Variants in ANKFN1 observed in about 807,000 individuals in gnomAD.
ANKFN1 encodes the protein ankyrin repeat and fibronectin type III domain containing 1, also known as ankyrin repeat and fibronectin type-III domain-containing protein 1.
In ANKFN1, 74 loss-of-function variants were observed where a neutral mutation model predicts 108.7. That is an observed-to-expected ratio of 0.68 (90% CI 0.56 to 0.83). The LOEUF (loss-of-function observed/expected upper bound fraction) is 0.83. ANKFN1 is among the 40% of genes least tolerant of loss of function. The pLI is 0.00. For synonymous variants in ANKFN1, 547 were observed against 516.2 expected, an observed-to-expected ratio of 1.06 and a Z score of -0.81; for missense variants, 1,505 against 1,382.3, an observed-to-expected ratio of 1.09 and a Z score of -1.41.
rs145904564 is a variant in ANKFN1, at chr17:56,354,828, A to G, written c.601+782A>G. Among the ~76,000 whole-genome samples the G allele has an allele frequency of 2.9e-3, 446 of 152,292 alleles. 3 individuals carry two copies. Among genetic ancestry groups the G allele is most frequent in the Non-Finnish European group, 4.1e-3 (277 of 68,018 alleles). ...TATACAACATTTTCTTTATCTATTC[A>G]TCTATTGACAGACACTTAAGTTGAT... On this transcript the variant is annotated intron_variant, in intron 6 of 20. Coordinates refer to ENST00000682825, the MANE Select transcript of ANKFN1 (RefSeq NM_001370326.1).
intron 1 of ANKFN1, among the ~76,000 whole-genome samples, chr17:56,157,856 C>T (rs16956799): frequency 0.024 from 3,646 of 152,284 alleles, 129 homozygotes; most frequent in African/African-American, 0.083. Context: ...TTAGCTTTAC[C>T]GGTACCTGTT....
At chr17:56,304,351 T>G (rs1366704989) in intron 3 of ANKFN1, among the ~76,000 whole-genome samples, 2 of 152,236 alleles carry the variant, frequency 1.3e-5, no homozygotes, top group African/African-American at 4.8e-5. Flanking sequence ...CTAGGTAATA[T>G]TCTATGGAAT....
intron 3 of ANKFN1, among the ~76,000 whole-genome samples, chr17:56,298,523 A>G (rs2044581675): frequency 6.6e-6 from 1 of 152,068 alleles, no homozygotes; most frequent in South Asian, 2.1e-4. Flanking sequence ...TCCTTGATGA[A>G]TTTTCTCAGC....
chr17:56,108,848 G>A (rs1003854124), intron 4 of ANKFN1, among the ~76,000 whole-genome samples: 3 of 152,128 alleles, frequency 2.0e-5, no homozygotes, highest in South Asian at 2.1e-4. Context: ...CCTGTTTCTC[G>A]GCATCTTTCT....
At chr17:56,468,326 G>A (rs2050201781) in intron 15 of ANKFN1, among the ~76,000 whole-genome samples, 1 of 152,090 alleles carries the variant, frequency 6.6e-6, no homozygotes. Flanking sequence ...GTGGAATTGG[G>A]ACACCAACCC....
intron 4 of ANKFN1, among the ~76,000 whole-genome samples, chr17:56,346,585 A>G (rs2046106307): frequency 6.6e-6 from 1 of 151,966 alleles, no homozygotes; most frequent in South Asian, 2.1e-4. Context: ...TTTCTTGAAT[A>G]AAGACATCCT....
intron 4 of ANKFN1, among the ~76,000 whole-genome samples, chr17:56,078,022 G>A (rs1226354951): frequency 6.6e-6 from 1 of 152,156 alleles, no homozygotes; most frequent in East Asian, 1.9e-4. Context: ...TCTAGATTCT[G>A]TTATATTCCT....
chr17:56,153,636 G>T (rs1005637289), intron 1 of ANKFN1, 106 bp downstream of exon 1: 12 of 1,442,714 alleles, frequency 8.3e-6, no homozygotes, highest in Non-Finnish European at 9.7e-6. Flanking sequence ...GAATTCGGGC[G>T]TTAGCTGGTG....
chr17:56,256,831 C>T (rs1357169072), intron 3 of ANKFN1, among the ~76,000 whole-genome samples: 1 of 152,160 alleles, frequency 6.6e-6, no homozygotes, highest in Non-Finnish European at 1.5e-5. Context: ...AAACCCAAGC[C>T]TAGCTCTCTT....
intron 4 of ANKFN1, among the ~76,000 whole-genome samples, chr17:56,082,352 T>C (rs1471595071): frequency 1.3e-5 from 2 of 152,160 alleles, no homozygotes; most frequent in Non-Finnish European, 2.9e-5. Context: ...TCTGGAAGAT[T>C]TGATATTTTT....
intron 8 of ANKFN1, among the ~76,000 whole-genome samples, chr17:56,388,309 A>C (rs1474816619): frequency 1.3e-5 from 2 of 151,806 alleles, no homozygotes; most frequent in Admixed American, 6.6e-5. Flanking sequence ...ACCACTGCCC[A>C]GCTAATGAGA....
At chr17:56,397,817 C>T (rs972466086) in intron 8 of ANKFN1, among the ~76,000 whole-genome samples, 3 of 152,120 alleles carry the variant, frequency 2.0e-5, no homozygotes, top group Admixed American at 1.3e-4. Flanking sequence ...CTGGTCCTGC[C>T]GTAACTACCT....
intron 1 of ANKFN1, among the ~76,000 whole-genome samples, chr17:56,180,176 G>A (rs1214313437): frequency 1.3e-5 from 2 of 152,176 alleles, no homozygotes; most frequent in Non-Finnish European, 2.9e-5. Context: ...CAAGAGAGAA[G>A]TGTAGTTACT....
intron 3 of ANKFN1, among the ~76,000 whole-genome samples, chr17:56,285,324 G>A (rs1249616586): frequency 6.6e-6 from 1 of 152,110 alleles, no homozygotes; most frequent in Non-Finnish European, 1.5e-5. Context: ...CCATCCTTAT[G>A]TATTTAAGAA....
chr17:56,365,346 T>C (rs1363817728), intron 6 of ANKFN1, among the ~76,000 whole-genome samples: 6 of 152,196 alleles, frequency 3.9e-5, no homozygotes, highest in Admixed American at 3.9e-4. Context: ...AAAACAAGTA[T>C]TTTGATTTAT....
chr17:56,119,220 C>T (rs978707107), intron 4 of ANKFN1, among the ~76,000 whole-genome samples: 1 of 152,038 alleles, frequency 6.6e-6, no homozygotes, highest in Non-Finnish European at 1.5e-5. Flanking sequence ...GTGATAAGAC[C>T]TTCTAGGACT....
intron 8 of ANKFN1, among the ~76,000 whole-genome samples, chr17:56,379,127 G>A (rs912604678): frequency 1.3e-5 from 2 of 152,234 alleles, no homozygotes. Flanking sequence ...GGCCGGGCGC[G>A]GTGGTTCATG....
intron 4 of ANKFN1, among the ~76,000 whole-genome samples, chr17:56,336,848 T>G (rs1284922853): frequency 6.6e-6 from 1 of 152,210 alleles, no homozygotes; most frequent in Non-Finnish European, 1.5e-5. Flanking sequence ...CTTTCTCTTG[T>G]GGGCATTTAG....
At chr17:56,098,869 A>ATGTG (rs113050013) in intron 4 of ANKFN1, among the ~76,000 whole-genome samples, 53,746 of 150,802 alleles carry the variant, frequency 0.36, 9,992 homozygotes, top group East Asian at 0.51. Flanking sequence ...GCGTGTGTGC[A>ATGTG]TGTGTGTGTG....
Sources: allele counts gnomAD v4.1 joint callset (sites outside exome capture counted in the v4.1 genomes callset), GRCh38; gene constraint gnomAD v4.1.1; transcripts MANE v1.5; gene names NCBI Gene and HGNC (gene_info 2026-07-23, HGNC 2026-07-21).